The following TDRD3 variants were observed in gnomAD, a reference collection of about 807,000 sequenced individuals.
TDRD3 encodes the protein tudor domain-containing protein 3.
In TDRD3, 45 loss-of-function variants were observed where a neutral mutation model predicts 86.7. The observed-to-expected ratio is 0.52, with a 90% CI of 0.41 to 0.67. The LOEUF (loss-of-function observed/expected upper bound fraction) is 0.67, where lower values mean the gene tolerates loss of function less well. Among genes scored for constraint, TDRD3 ranks in the 30% least tolerant of loss-of-function variants. TDRD3 has a pLI of 0.00. For missense variants in TDRD3, 814 were observed against 889.0 expected, an observed-to-expected ratio of 0.92 and a Z score of 1.07; for synonymous variants, 298 against 301.7, an observed-to-expected ratio of 0.99 and a Z score of 0.13.
chr13:60,405,704 G>C (rs929719657), intron 1 of TDRD3, among the ~76,000 whole-genome samples: 2 of 152,192 alleles, frequency 1.3e-5, no homozygotes, highest in African/African-American at 4.8e-5. Flanking sequence ...CACATAGCTT[G>C]GACCTTGTTG....
rs117226553 is a variant in TDRD3 at position 60,440,747 on chromosome 13, A to G, written c.126+975A>G. 1.6e-4 allele frequency among the ~76,000 whole-genome samples: 25 copies of G among 152,266 alleles called. No individual in the cohort carries two copies. The East Asian group carries it at 4.4e-3, about 27-fold the overall frequency. ...GCAATTACCCTCTGATTGTTTTTCT[A>G]TGTAGCTTTATAATAAGCTATAAAC... On this transcript the variant is annotated intron_variant, in intron 2 of 13. Coordinates refer to ENST00000377881, the MANE Select transcript of TDRD3 (RefSeq NM_001146070.2).
intron 10 of TDRD3, among the ~76,000 whole-genome samples, chr13:60,526,904 G>A (rs1460219240): frequency 1.3e-5 from 2 of 151,572 alleles, no homozygotes; most frequent in Admixed American, 6.6e-5. Context: ...GCACAATCTC[G>A]TCTCACTGCA....
At chr13:60,542,373 G>A (rs1957837000) in intron 12 of TDRD3, among the ~76,000 whole-genome samples, 1 of 151,992 alleles carries the variant, frequency 6.6e-6, no homozygotes, top group African/African-American at 2.4e-5. Flanking sequence ...CTTCTATTGG[G>A]CATGCATCTT....
Position 60,494,457 on chromosome 13 carries a change from G to T in TDRD3, c.740G>T (p.Gly247Val). 1 of 1,613,332 alleles carries T rather than the reference G, an allele frequency of 6.2e-7. No individual in the cohort carries two copies. The highest frequency in any genetic ancestry group is 1.1e-5 in the South Asian group (1 of 90,994). The change falls in exon 8 of 14, where the codon GGT (glycine) becomes GTT (valine). Residue 247 changes from glycine (G) to valine (V), a missense_variant. Physicochemically the swap from Gly to Val is moderately radical, Grantham distance 109 (BLOSUM62 -3). Coordinates refer to ENST00000377881, the MANE Select transcript of TDRD3 (RefSeq NM_001146070.2). ...SKETKTFGGG[G>V]GGARSNLNMN... is the part of the protein sequence containing the mutation. Reference sequence around the variant, plus strand: ...AAGACCAAGACATTTGGAGGAGGTGGTGGTGGTGCTAGAAGTAATCTCAAT... The same window carrying T: ...AAGACCAAGACATTTGGAGGAGGTGTTGGTGGTGCTAGAAGTAATCTCAAT...
At chr13:60,556,304 C>T (rs1448908880) in intron 12 of TDRD3, among the ~76,000 whole-genome samples, 1 of 152,164 alleles carries the variant, frequency 6.6e-6, no homozygotes, top group East Asian at 1.9e-4. Flanking sequence ...TGGTAGTCTT[C>T]TAACTTCCAC....
intron 1 of TDRD3, 49 bp from the exon 2 acceptor site, chr13:60,439,639 G>T: frequency 7.0e-7 from 1 of 1,431,236 alleles, no homozygotes; most frequent in East Asian, 2.5e-5. Context: ...AAGAATTTTG[G>T]TTAATTTTGA....
Position 60,494,523 on chromosome 13 carries a change from A to G in TDRD3, c.806A>G (p.Lys269Arg), listed in dbSNP as rs201585030. 14 of 1,613,850 alleles carry G rather than the reference A, an allele frequency of 8.7e-6. No homozygotes were observed. In the East Asian group the frequency reaches 2.9e-4, roughly 33 times the overall value. The change falls in exon 8 of 14, where the codon AAA (lysine) becomes AGA (arginine). Residue 269 changes from lysine (K) to arginine (R), a missense_variant. Coordinates refer to ENST00000377881, the MANE Select transcript of TDRD3 (RefSeq NM_001146070.2). Reference protein sequence around the residue: ...AGNRNREVLQKEKSTKSEGKH... With the variant: ...AGNRNREVLQREKSTKSEGKH... ...AACCGAAATAGGGAAGTTTTACAGA[A>G]AGAAAAGTCAACCAAATCAGAGGGA... is the stretch of plus-strand genomic sequence containing the variant.
chr13:60,420,713 C>G (rs369059219), intron 1 of TDRD3, among the ~76,000 whole-genome samples: 2 of 151,904 alleles, frequency 1.3e-5, no homozygotes, highest in African/African-American at 4.8e-5. Flanking sequence ...GAGGCCGAGG[C>G]GGGTGGATCA....
intron 2 of TDRD3, among the ~76,000 whole-genome samples, chr13:60,442,272 A>T (rs1031140160): frequency 3.9e-5 from 6 of 152,160 alleles, no homozygotes; most frequent in Admixed American, 3.3e-4. Context: ...AAAAATTTAA[A>T]AACAAATTAT....
At chr13:60,416,463 C>A (rs1405145046) in intron 1 of TDRD3, among the ~76,000 whole-genome samples, 1 of 152,152 alleles carries the variant, frequency 6.6e-6, no homozygotes, top group Non-Finnish European at 1.5e-5. Context: ...TTAAAACATT[C>A]ATTTACCAAG....
rs756744286 is a variant in TDRD3, at chr13:60,535,259, G to A, written c.2118+26G>A. 2.0e-5 allele frequency: 31 copies of A among 1,576,614 alleles called. No individual in the cohort carries two copies. The Admixed American group carries it at 5.1e-4, about 26-fold the overall frequency. ...GTACGTGATACATATTCTGTACAAA[G>A]GCATAAACTATTTTGAAGAAAATAT... On this transcript the variant is annotated intron_variant, in intron 12 of 13. Coordinates refer to ENST00000377881, the MANE Select transcript of TDRD3 (RefSeq NM_001146070.2).
At chr13:60,489,376 C>A in intron 7 of TDRD3, among the ~76,000 whole-genome samples, 1 of 152,114 alleles carries the variant, frequency 6.6e-6, no homozygotes, top group East Asian at 1.9e-4. Context: ...CAACTGCTTT[C>A]CTATTTAATT....
At chr13:60,433,881 C>G (rs140697725) in intron 1 of TDRD3, among the ~76,000 whole-genome samples, 2 of 152,252 alleles carry the variant, frequency 1.3e-5, no homozygotes, top group East Asian at 3.9e-4. Context: ...TACCTGCTTT[C>G]AAAGAAATGG....
At chr13:60,499,924 T>C (rs940089777) in intron 8 of TDRD3, among the ~76,000 whole-genome samples, 1 of 152,184 alleles carries the variant, frequency 6.6e-6, no homozygotes, top group Non-Finnish European at 1.5e-5. Context: ...AGGAGAAGGC[T>C]CTGCAACAGG....
intron 12 of TDRD3, among the ~76,000 whole-genome samples, chr13:60,540,730 T>G (rs1957790704): frequency 6.6e-6 from 1 of 152,196 alleles, no homozygotes; most frequent in Non-Finnish European, 1.5e-5. Flanking sequence ...TTGTTTGAAT[T>G]CTAATATCTG....
intron 13 of TDRD3, among the ~76,000 whole-genome samples, chr13:60,572,820 A>ATT (rs3832887): frequency 2.0e-5 from 3 of 151,802 alleles, no homozygotes; most frequent in East Asian, 1.9e-4. Context: ...AAATGTTGAA[A>ATT]TTTTTTTTGA....
intron 11 of TDRD3, 152 bp downstream of exon 11, chr13:60,529,369 TAAAC>T (rs1957530235): frequency 3.9e-6 from 3 of 774,236 alleles, no homozygotes; most frequent in South Asian, 7.6e-5. Context: ...ATATAAAGGA[TAAAC>T]AAAATATTTA....
intron 8 of TDRD3, among the ~76,000 whole-genome samples, chr13:60,509,207 G>C (rs1438551155): frequency 6.6e-6 from 1 of 152,054 alleles, no homozygotes; most frequent in East Asian, 1.9e-4. Context: ...AAGAGATTTG[G>C]ATTCTGGCAT....
chr13:60,444,993 A>T (rs1396090538), intron 3 of TDRD3, among the ~76,000 whole-genome samples: 1 of 152,022 alleles, frequency 6.6e-6, no homozygotes, highest in Admixed American at 6.6e-5. Context: ...TGGCATGCTT[A>T]CATGAACGGT....
Sources: gnomAD v4.1 joint callset for allele counts (sites outside exome capture counted in the v4.1 genomes callset) on GRCh38, gnomAD v4.1.1 for gene constraint, MANE v1.5 for transcripts, NCBI Gene and HGNC (gene_info 2026-07-23, HGNC 2026-07-21) for gene names.